TOB2: variants seen among roughly 807,000 people sequenced by gnomAD.
TOB2 encodes the protein protein Tob2.
Under a neutral mutation model 17.3 loss-of-function variants are expected in TOB2, and 3 were observed. The ratio of observed to expected loss-of-function variants is 0.17; its 90% CI spans 0.08 to 0.45. TOB2 has a LOEUF of 0.45. Among genes scored for constraint, TOB2 ranks in the 20% least tolerant of loss-of-function variants. The pLI, the probability that TOB2 is intolerant of heterozygous loss-of-function variation, is 0.99. For missense variants in TOB2, 407 were observed against 445.7 expected (o/e 0.91, Z 0.78); for synonymous variants, 163 against 185.6 (o/e 0.88, Z 0.99).
In TOB2 at chr22:41,434,533, T is replaced by C. The variant is rs2037524139; in HGVS notation, c.*1778A>G. ...GGTGCTGGGCTGAGAAGCCAGGACA[T>C]TGCCTGCCGGGGGAGGTAGAGCTGG... On this transcript the variant is annotated 3_prime_UTR_variant, in exon 2 of 2. Coordinates refer to ENST00000327492, the MANE Select transcript of TOB2 (RefSeq NM_016272.4). The C allele has an allele frequency of 6.5e-6, 1 of 152,936 alleles. No individual in the cohort carries two copies. The allele number at this position is 152,936 out of a possible 1,614,324, so 9.5% of individuals were successfully genotyped here. A position where few individuals can be genotyped will look rare whatever the true frequency, so the allele number is the denominator to read the frequency against.
At chr22:41,445,918 T>C (rs1000227267) in intron 1 of TOB2, among the ~76,000 whole-genome samples, 4 of 151,898 alleles carry the variant, frequency 2.6e-5, no homozygotes, top group African/African-American at 9.7e-5. Context: ...GAGCCAGAAA[T>C]AGAGTCTATT....
intron 1 of TOB2, among the ~76,000 whole-genome samples, chr22:41,439,672 C>T (rs1377803367): frequency 1.3e-5 from 2 of 152,216 alleles, no homozygotes; most frequent in South Asian, 2.1e-4. Flanking sequence ...CCCGTCACCA[C>T]GCCTGGCTAG....
rs539767645 is a variant in TOB2 at position 41,438,863 on chromosome 22, C to T, written c.-62-1456G>A. On this transcript the variant is annotated intron_variant, in intron 1 of 1. Transcript: ENST00000327492. ...AAGAAATTTTCCATCACCCTGCAGC[C>T]TCCGGTAGGGACCCATCATCACTCA... 1.8e-4 allele frequency among the ~76,000 whole-genome samples: 27 copies of T among 151,998 alleles called. No homozygotes were observed. The South Asian group carries it at 5.4e-3, about 30-fold the overall frequency.
intron 1 of TOB2, among the ~76,000 whole-genome samples, chr22:41,439,791 C>T (rs982297168): frequency 6.6e-6 from 1 of 152,162 alleles, no homozygotes; most frequent in Non-Finnish European, 1.5e-5. Flanking sequence ...GCTGGGATTA[C>T]AGGCATGAGC....
At chr22:41,439,526 T>C (rs1226403529) in intron 1 of TOB2, among the ~76,000 whole-genome samples, 1 of 100,258 alleles carries the variant, frequency 1.0e-5, no homozygotes, top group Non-Finnish European at 2.1e-5. Context: ...TATGTATGTA[T>C]GTATGTGGAG....
In TOB2 at chr22:41,436,200, G is replaced by C. The variant is rs1045621474; in HGVS notation, c.*111C>G. On this transcript the variant is annotated 3_prime_UTR_variant, in exon 2 of 2. Coordinates refer to ENST00000327492, the MANE Select transcript of TOB2 (RefSeq NM_016272.4). The surrounding 1 kb of genome is among the most constrained non-coding windows in gnomAD (Gnocchi z 4.8). ...CTGGATCTTTTTTCTAGAAGTAAGA[G>C]TGAGAAGATCGAAAATCTTTTTGTA... is the stretch of plus-strand genomic sequence containing the variant. 1 of 1,365,780 alleles carries C rather than the reference G, an allele frequency of 7.3e-7. No individual in the cohort carries two copies. The highest frequency in any genetic ancestry group is 9.6e-7 in the Non-Finnish European group (1 of 1,039,558). The allele number at this position is 1,365,780 out of a possible 1,614,324, so 84.6% of individuals were successfully genotyped here.
chr22:41,441,727 C>T (rs1481083652), intron 1 of TOB2, among the ~76,000 whole-genome samples: 2 of 151,998 alleles, frequency 1.3e-5, no homozygotes, highest in East Asian at 1.9e-4. Context: ...GCCTGACCAA[C>T]ATGGTGAAAC....
chr22:41,437,481 A>T, intron 1 of TOB2, 74 bp from the exon 2 acceptor site: 1 of 1,464,620 alleles, frequency 6.8e-7, no homozygotes. Context: ...TAGACAGAAA[A>T]GCACCAACTT....
At chr22:41,440,432 G>A (rs1249933794) in intron 1 of TOB2, among the ~76,000 whole-genome samples, 2 of 150,700 alleles carry the variant, frequency 1.3e-5, no homozygotes, top group Admixed American at 1.3e-4. Flanking sequence ...TTCTTTTTTT[G>A]AGACAGGGTC....
At position 41,436,153 on chromosome 22, in the gene TOB2, G is replaced by T; in HGVS notation, c.*158C>A. 1 of 941,888 alleles carries T rather than the reference G, an allele frequency of 1.1e-6. No individual in the cohort carries two copies. Among genetic ancestry groups the T allele is most frequent in the Non-Finnish European group, 1.5e-6 (1 of 668,544 alleles). The allele number at this position is 941,888 out of a possible 1,614,324, so 58.3% of individuals were successfully genotyped here. ...GAAACACACTTGGGTGCTTTGCAGG[G>T]CCCTCCCATTCCGTGCCTGGGCTGG... On this transcript the variant is annotated 3_prime_UTR_variant, in exon 2 of 2. Transcript: ENST00000327492. The surrounding 1 kb of genome is among the most constrained non-coding windows in gnomAD (Gnocchi z 4.8).
intron 1 of TOB2, among the ~76,000 whole-genome samples, chr22:41,440,436 C>T (rs2037603532): frequency 1.3e-5 from 2 of 151,710 alleles, no homozygotes; most frequent in Admixed American, 1.3e-4. Context: ...TTTTTTGAGA[C>T]AGGGTCTCAC....
chr22:41,434,010 TATAC>T lies in TOB2; in HGVS notation c.*2297_*2300del. 1 of 233,958 alleles carries T rather than the reference TATAC, an allele frequency of 4.3e-6. No individual in the cohort carries two copies. Among genetic ancestry groups the T allele is most frequent in the Non-Finnish European group, 8.8e-6 (1 of 113,978 alleles). The allele number at this position is 233,958 out of a possible 1,614,324, so 14.5% of individuals were successfully genotyped here. ...AAAATTATGTTTTTTACGTTAGAAA[TATAC>T]ATATATTATATACCTCTTACATTTT... On this transcript the variant is annotated 3_prime_UTR_variant, in exon 2 of 2. Coordinates refer to ENST00000327492, the MANE Select transcript of TOB2 (RefSeq NM_016272.4).
chr22:41,438,627 T>G (rs1601848699), intron 1 of TOB2, among the ~76,000 whole-genome samples: 2 of 6,102 alleles, frequency 3.3e-4, no homozygotes, highest in Admixed American at 9.2e-4. Context: ...CGAAACTCTG[T>G]CTCAAAAAAA....
chr22:41,444,020 A>G (rs1032350035), intron 1 of TOB2, among the ~76,000 whole-genome samples: 4 of 152,144 alleles, frequency 2.6e-5, no homozygotes, highest in Middle Eastern at 3.4e-3. Flanking sequence ...AAAGATACTC[A>G]GACACCTCTA....
intron 1 of TOB2, among the ~76,000 whole-genome samples, chr22:41,438,921 G>A (rs551761175): frequency 3.3e-5 from 5 of 152,038 alleles, no homozygotes; most frequent in East Asian, 1.9e-4. Flanking sequence ...ACCTGTCCTC[G>A]GCAGCAGATC....
chr22:41,439,012 C>T (rs376493396), intron 1 of TOB2, among the ~76,000 whole-genome samples: 1 of 152,228 alleles, frequency 6.6e-6, no homozygotes, highest in Non-Finnish European at 1.5e-5. Context: ...GATTCTCTCA[C>T]AGCCAGATCC....
At chr22:41,443,943 G>GAAA (rs2037650609) in intron 1 of TOB2, among the ~76,000 whole-genome samples, 1 of 152,148 alleles carries the variant, frequency 6.6e-6, no homozygotes, top group Non-Finnish European at 1.5e-5. Flanking sequence ...TTTTCAGAAA[G>GAAA]AAAATTCTGT....
In TOB2 at chr22:41,434,956, TCTCAACCAGGCAGGGGCACAAATGCA is replaced by T. The variant is rs2037529852; in HGVS notation, c.*1329_*1354del. The T allele has an allele frequency of 6.5e-6, 1 of 153,040 alleles. No individual in the cohort carries two copies. 9.5% of individuals were successfully genotyped at this position (153,040 alleles called of 1,614,324 possible). ...GGGGTGGCAAGAGGTACCAAGAAGC[TCTCAACCAGGCAGGGGCACAAATGCA>T]CTCAACACCTCCAAACTAAGAGACC... On this transcript the variant is annotated 3_prime_UTR_variant, in exon 2 of 2. Coordinates refer to ENST00000327492, the MANE Select transcript of TOB2 (RefSeq NM_016272.4).
chr22:41,437,296 T>C lies in TOB2; in HGVS notation c.50A>G (p.Tyr17Cys). 6.2e-7 allele frequency: 1 copy of C among 1,614,094 alleles called. No homozygotes were observed. Among genetic ancestry groups the C allele is most frequent in the Non-Finnish European group, 8.5e-7 (1 of 1,180,028 alleles). Residue 17 changes from tyrosine to cysteine, a missense_variant, in exon 2 of 2, where the codon TAC (tyrosine) becomes TGC (cysteine). Transcript: ENST00000327492. ...TGCCCGGCGCCGGGGCAGCTTGTTG[T>C]ACAAGTAGGAGATGATGAAGTTCAG... ...VALNFIISYLYNKLPRRRADL... is the reference protein window; with the variant it reads ...VALNFIISYLCNKLPRRRADL...
Sources: gnomAD v4.1 joint callset for allele counts (sites outside exome capture counted in the v4.1 genomes callset) on GRCh38, gnomAD v4.1.1 for gene constraint, Gnocchi (gnomAD v3.1) non-coding constraint, MANE v1.5 for transcripts, NCBI Gene and HGNC (gene_info 2026-07-23, HGNC 2026-07-21) for gene names.